Variants in UNC80 observed in about 807,000 individuals in gnomAD.
The protein encoded by UNC80 is unc-80 subunit of NALCN channel complex, also known as protein unc-80 homolog.
In UNC80, 164 loss-of-function variants were observed where a neutral mutation model predicts 384.6. The ratio of observed to expected loss-of-function variants is 0.43; its 90% CI spans 0.38 to 0.49. The LOEUF (loss-of-function observed/expected upper bound fraction) is 0.49. Among genes scored for constraint, UNC80 ranks in the 20% least tolerant of loss-of-function variants. The pLI is 0.00. For missense variants in UNC80, 3,330 were observed against 4,143.0 expected (o/e 0.80, Z 5.39); for synonymous variants, 1,486 against 1,527.8 (o/e 0.97, Z 0.64).
chr2:209,913,658 C>G (rs993360814), intron 30 of UNC80, 144 bp from the exon 31 acceptor site: 1 of 740,988 alleles, frequency 1.3e-6, no homozygotes, highest in African/African-American at 1.8e-5. Flanking sequence ...TATGCCATGT[C>G]AACTAAATAT....
intron 33 of UNC80, among the ~76,000 whole-genome samples, chr2:209,918,961 C>T (rs893340678): frequency 4.6e-5 from 7 of 152,180 alleles, no homozygotes; most frequent in South Asian, 2.1e-4. Context: ...TTATTACAAA[C>T]GAACATACTT....
intron 22 of UNC80, among the ~76,000 whole-genome samples, chr2:209,851,496 A>C (rs2082527326): frequency 6.6e-6 from 1 of 152,122 alleles, no homozygotes; most frequent in Non-Finnish European, 1.5e-5. Context: ...TGTGAGTTAT[A>C]AGATACTCAC....
rs2093173688 is a variant in UNC80, at chr2:209,982,193, A to T, written c.9133A>T (p.Met3045Leu). The change falls in exon 60 of 65, where the codon ATG becomes TTG. Residue 3045 changes from methionine to leucine, a missense_variant. By Grantham distance (15) the Met-to-Leu change is conservative. This residue lies in a region of UNC80 where 216 missense variants were observed against 245.3 expected (regional missense o/e 0.88). Coordinates refer to ENST00000673920, the MANE Select transcript of UNC80 (RefSeq NM_001371986.1). The part of the protein sequence containing the change: ...EEDEENDSIS[M>L]PSVVSEQEAY... ...GCCCCTTTTAGATGACTCTATAAGCATGCCCAGCGTGGTAAGTGAACAAGA... is the reference window on the plus strand; with the variant it reads ...GCCCCTTTTAGATGACTCTATAAGCTTGCCCAGCGTGGTAAGTGAACAAGA... The T allele has an allele frequency of 1.9e-6, 3 of 1,551,438 alleles. No homozygotes were observed. The African/African-American group carries it at 4.1e-5, about 21-fold the overall frequency.
chr2:209,775,132 C>A (rs1437838840), intron 2 of UNC80, among the ~76,000 whole-genome samples: 1 of 152,166 alleles, frequency 6.6e-6, no homozygotes. Context: ...GTGATATTCT[C>A]TCCTCCCTCA....
chr2:209,789,435 T>C (rs1347417268), intron 5 of UNC80, 97 bp from the exon 6 acceptor site: 1 of 796,296 alleles, frequency 1.3e-6, no homozygotes, highest in Non-Finnish European at 2.1e-6. Flanking sequence ...AATAATGTTC[T>C]ATTAAAATAG....
At chr2:209,975,747 C>T (rs1010268395) in intron 56 of UNC80, among the ~76,000 whole-genome samples, 7 of 152,084 alleles carry the variant, frequency 4.6e-5, no homozygotes, top group East Asian at 1.9e-4. Flanking sequence ...GTGATATGTC[C>T]GTATTACCAT....
At chr2:209,874,103 G>A (rs1469434303) in intron 23 of UNC80, among the ~76,000 whole-genome samples, 1 of 152,148 alleles carries the variant, frequency 6.6e-6, no homozygotes, top group Non-Finnish European at 1.5e-5. Flanking sequence ...AGAAGACACA[G>A]TTTCTCCTAT....
chr2:209,920,978 C>T (rs190996517), intron 33 of UNC80, among the ~76,000 whole-genome samples: 1 of 152,202 alleles, frequency 6.6e-6, no homozygotes, highest in Non-Finnish European at 1.5e-5. Flanking sequence ...CAGGCTTGCG[C>T]CACCACGCCC....
Position 209,945,175 on chromosome 2 carries a change from C to A in UNC80, c.7175C>A (p.Pro2392His). ...DILELVKAEK[P>H]LKSLDFCYGN... ...TTAGAGCTGGTCAAAGCTGAGAAGC[C>A]TCTCAAGTCATTAGGTAAAAGCAAA... The change falls in exon 46 of 65, where the codon CCT becomes CAT. Residue 2392 changes from proline to histidine, a missense_variant. Physicochemically the swap from Pro to His is moderately conservative, Grantham distance 77 (BLOSUM62 -2). Around this residue, in one of 8 missense-constraint regions of UNC80, gnomAD observed 1,049 missense variants for 1,488.6 expected, o/e 0.70. Coordinates refer to ENST00000673920, the MANE Select transcript of UNC80 (RefSeq NM_001371986.1). The A allele has an allele frequency of 6.5e-7, 1 of 1,548,822 alleles. No individual in the cohort carries two copies. Among genetic ancestry groups the A allele is most frequent in the Non-Finnish European group, 8.7e-7 (1 of 1,146,080 alleles).
At chr2:209,846,185 A>G (rs1369727574) in intron 21 of UNC80, among the ~76,000 whole-genome samples, 1 of 152,144 alleles carries the variant, frequency 6.6e-6, no homozygotes, top group Non-Finnish European at 1.5e-5. Flanking sequence ...GTTTAAATGC[A>G]GTACTTTAAC....
Position 209,894,327 on chromosome 2 carries a change from C to G in UNC80, c.4441C>G (p.Leu1481Val). The change falls in exon 27 of 65, where the codon CTG becomes GTG. Residue 1481 changes from leucine (L) to valine (V), a missense_variant. Physicochemically the swap from Leu to Val is conservative, Grantham distance 32 (BLOSUM62 1). This residue lies in a region of UNC80 where 801 missense variants were observed against 950.8 expected (regional missense o/e 0.84). Transcript: ENST00000673920. Reference sequence around the variant, plus strand: ...GGACTCAGAGTCTGAGGCTGAGGAGCTGCAGCTGTCCCAGAGCAGGGACAC... The same window carrying G: ...GGACTCAGAGTCTGAGGCTGAGGAGGTGCAGCTGTCCCAGAGCAGGGACAC... ...RQDSESEAEE[L>V]QLSQSRDTVT... 1 of 985,294 alleles carries G rather than the reference C, an allele frequency of 1.0e-6. No individual in the cohort carries two copies. The highest frequency in any genetic ancestry group is 4.7e-5 in the South Asian group (1 of 21,274). The allele number at this position is 985,294 out of a possible 1,614,324, so 61.0% of individuals were successfully genotyped here.
At chr2:209,988,245 G>A (rs1003709213) in intron 61 of UNC80, among the ~76,000 whole-genome samples, 2 of 152,144 alleles carry the variant, frequency 1.3e-5, no homozygotes, top group African/African-American at 4.8e-5. Context: ...CGATGATGCT[G>A]CATGTCTTTT....
chr2:209,917,287 C>T (rs371195276), intron 31 of UNC80, among the ~76,000 whole-genome samples: 94 of 152,258 alleles, frequency 6.2e-4, no homozygotes, highest in African/African-American at 2.2e-3. Flanking sequence ...GGTATTATGA[C>T]TCATTAAATC....
intron 25 of UNC80, 110 bp downstream of exon 25, chr2:209,881,204 A>G: frequency 1.6e-6 from 2 of 1,258,364 alleles, no homozygotes; most frequent in Non-Finnish European, 2.1e-6. Context: ...AGTGTATCAC[A>G]TAATTTTAAA....
intron 41 of UNC80, 31 bp from the exon 42 acceptor site, chr2:209,937,497 CT>C (rs760305950): frequency 5.1e-5 from 74 of 1,452,414 alleles, no homozygotes; most frequent in Middle Eastern, 1.7e-4. Context: ...CTTTTGAACT[CT>C]TTTTTTTGTC....
At chr2:209,808,999 G>A (rs2079133750) in intron 7 of UNC80, 2 of 326,310 alleles carry the variant, frequency 6.1e-6, no homozygotes, top group Admixed American at 4.3e-5. Context: ...AACTGCCAGG[G>A]CCTCCCTCCA....
chr2:209,896,879 G>A (rs1227026510), intron 28 of UNC80, among the ~76,000 whole-genome samples: 2 of 152,122 alleles, frequency 1.3e-5, no homozygotes, highest in African/African-American at 4.8e-5. Flanking sequence ...ACAGGCAGGA[G>A]GTGATCCCAG....
intron 22 of UNC80, among the ~76,000 whole-genome samples, chr2:209,850,203 A>G (rs553072793): frequency 6.6e-6 from 1 of 152,250 alleles, no homozygotes; most frequent in East Asian, 1.9e-4. Flanking sequence ...AAGAGTATGA[A>G]GTGGATCTTG....
rs1163832683 is a variant in UNC80 at position 209,842,360 on chromosome 2, C to G, written c.3368C>G (p.Thr1123Ser). Residue 1123 changes from threonine to serine, a missense_variant, in exon 21 of 65, where the codon ACT becomes AGT. By Grantham distance (58) the Thr-to-Ser change is moderately conservative. Coordinates refer to ENST00000673920, the MANE Select transcript of UNC80 (RefSeq NM_001371986.1). ...FIRQSSKVKF[T>S]SAVKLSEGGP... Reference sequence around the variant, plus strand: ...TTTTTCTTTTTTCAGGTCAAATTCACTAGTGCTGTGAAGCTTTCTGAAGGT... The same window carrying G: ...TTTTTCTTTTTTCAGGTCAAATTCAGTAGTGCTGTGAAGCTTTCTGAAGGT... 1 of 1,549,330 alleles carries G rather than the reference C, an allele frequency of 6.5e-7. No individual in the cohort carries two copies.
Sources: allele counts gnomAD v4.1 joint callset (sites outside exome capture counted in the v4.1 genomes callset), GRCh38; gene constraint gnomAD v4.1.1; regional missense constraint gnomAD v4.1.1; transcripts MANE v1.5; gene names NCBI Gene and HGNC (gene_info 2026-07-23, HGNC 2026-07-21).